The following GAPVD1 variants were observed in gnomAD, a reference collection of about 807,000 sequenced individuals.
GAPVD1 encodes GTPase activating protein and VPS9 domains 1.
A neutral mutation model predicts 155.5 loss-of-function variants in GAPVD1; 35 were observed. The observed-to-expected ratio is 0.23, with a 90% confidence interval of 0.17 to 0.30. The LOEUF (loss-of-function observed/expected upper bound fraction) is 0.30, where lower values mean the gene tolerates loss of function less well. Among genes scored for constraint, GAPVD1 ranks in the 10% least tolerant of loss-of-function variants. GAPVD1 has a pLI of 1.00. For synonymous variants in GAPVD1, 636 were observed against 619.7 expected (o/e 1.03, Z -0.39); for missense variants, 1,429 against 1,775.7 (o/e 0.80, Z 3.51).
intron 23 of GAPVD1, among the ~76,000 whole-genome samples, chr9:125,352,788 A>G (rs1849492896): frequency 6.6e-6 from 1 of 152,132 alleles, no homozygotes; most frequent in African/African-American, 2.4e-5. Flanking sequence ...AAAGTTTCTG[A>G]ACGTTTATGC....
chr9:125,328,753 C>T (rs1034796734), intron 12 of GAPVD1, among the ~76,000 whole-genome samples: 3 of 151,844 alleles, frequency 2.0e-5, no homozygotes, highest in African/African-American at 7.2e-5. Context: ...GGCAGAGGGG[C>T]TCCTCACTTC....
intron 15 of GAPVD1, among the ~76,000 whole-genome samples, chr9:125,335,988 A>C (rs554320081): frequency 6.6e-6 from 1 of 151,890 alleles, no homozygotes. Context: ...CCCTGTCTCT[A>C]CAAAAAATAA....
intron 2 of GAPVD1, among the ~76,000 whole-genome samples, chr9:125,288,792 G>A (rs1215065618): frequency 6.6e-6 from 1 of 152,198 alleles, no homozygotes; most frequent in Non-Finnish European, 1.5e-5. Context: ...TTCTTATGGA[G>A]TTCAGATTTT....
chr9:125,336,197 C>T (rs1266487239), intron 15 of GAPVD1, among the ~76,000 whole-genome samples: 3 of 149,864 alleles, frequency 2.0e-5, no homozygotes, highest in Admixed American at 6.7e-5. Context: ...CTGTTTTAGT[C>T]CATCTTTTAT....
chr9:125,293,884 A>AAGTTTT (rs1839346260), intron 2 of GAPVD1, among the ~76,000 whole-genome samples: 1 of 22,678 alleles, frequency 4.4e-5, no homozygotes. Flanking sequence ...ATATATATAT[A>AAGTTTT]TATATATATA....
intron 20 of GAPVD1, among the ~76,000 whole-genome samples, chr9:125,348,670 C>T (rs987573307): frequency 1.3e-5 from 2 of 151,966 alleles, no homozygotes; most frequent in African/African-American, 2.4e-5. Context: ...TGCCACCATA[C>T]GTGGCTGATT....
chr9:125,282,343 G>A (rs549534476), intron 2 of GAPVD1, among the ~76,000 whole-genome samples: 44 of 152,192 alleles, frequency 2.9e-4, no homozygotes, highest in Admixed American at 6.5e-4. Flanking sequence ...CACCATGTTG[G>A]TCAGGCTGGT....
rs533284325 is a variant in GAPVD1 at position 125,306,150 on chromosome 9, C to CT, written c.1116+1012dup. Among the ~76,000 whole-genome samples the CT allele has an allele frequency of 3.1e-4, 46 of 147,162 alleles. 1 individual carries two copies. Among genetic ancestry groups the CT allele is most frequent in the South Asian group, 1.3e-3 (6 of 4,634 alleles). On this transcript the variant is annotated intron_variant, in intron 6 of 27. Transcript: ENST00000297933. The stretch of plus-strand genomic sequence containing the variant: ...TCATTCCCTGCCCCCACAAAACATT[C>CT]TTTTTTTTTTTGAGACAGAGTTTCC...
Position 125,301,963 on chromosome 9 carries a change from C to CT in GAPVD1, c.186-3dup, listed in dbSNP as rs397893733. On this transcript the variant is annotated intron_variant, in intron 4 of 27. Transcript: ENST00000297933. ...AATACTATTATTTTGCTTGTTTGCT[C>CT]TTTTTTTTTTTTTTTTTAGTGCTGA... The CT allele has an allele frequency of 0.044, 60,511 of 1,384,596 alleles. 13 individuals are homozygous for CT. Among genetic ancestry groups the CT allele is most frequent in the South Asian group, 0.049 (3,324 of 68,220 alleles). The allele number at this position is 1,384,596 out of a possible 1,614,324, so 85.8% of individuals were successfully genotyped here.
intron 27 of GAPVD1, among the ~76,000 whole-genome samples, chr9:125,361,305 C>T (rs1850877261): frequency 2.0e-5 from 3 of 151,908 alleles, no homozygotes; most frequent in Admixed American, 6.6e-5. Context: ...TTTGGGAGGC[C>T]GAGGAGGGTG....
chr9:125,321,748 C>CA (rs1461667283), intron 10 of GAPVD1, among the ~76,000 whole-genome samples, 186 bp downstream of exon 10: 1 of 152,138 alleles, frequency 6.6e-6, no homozygotes, highest in East Asian at 1.9e-4. Context: ...ATTAAAATTG[C>CA]AAGATGCCTT....
intron 17 of GAPVD1, among the ~76,000 whole-genome samples, chr9:125,337,872 G>A (rs1054623249): frequency 6.6e-6 from 1 of 152,114 alleles, no homozygotes; most frequent in Non-Finnish European, 1.5e-5. Context: ...TGAGATGTTA[G>A]ATGAGTTGTT....
intron 1 of GAPVD1, among the ~76,000 whole-genome samples, chr9:125,266,196 G>C (rs977697563): frequency 6.6e-6 from 1 of 150,964 alleles, no homozygotes; most frequent in Non-Finnish European, 1.5e-5. Context: ...GCGCGATCTC[G>C]GCTCACTGCA....
At chr9:125,328,819 C>G (rs577791139) in intron 12 of GAPVD1, among the ~76,000 whole-genome samples, 2 of 124,560 alleles carry the variant, frequency 1.6e-5, no homozygotes, top group Non-Finnish European at 3.3e-5. Flanking sequence ...GGCGGCTGGC[C>G]GGGCAGGGGG....
intron 9 of GAPVD1, among the ~76,000 whole-genome samples, chr9:125,320,704 C>T (rs1235558750): frequency 2.6e-5 from 4 of 152,106 alleles, no homozygotes; most frequent in Admixed American, 6.6e-5. Context: ...CGGCTCACTG[C>T]AAGCTCCGCC....
chr9:125,323,154 T>TGGAGTG (rs1844629229), intron 10 of GAPVD1, among the ~76,000 whole-genome samples: 1 of 151,932 alleles, frequency 6.6e-6, no homozygotes, highest in African/African-American at 2.4e-5. Flanking sequence ...TTGCCCAGGC[T>TGGAGTG]GGAGTGCAAT....
In GAPVD1 at chr9:125,331,873, T is replaced by C. The variant is rs1846137032; in HGVS notation, c.2174-53T>C. 10 of 1,572,340 alleles carry C rather than the reference T, an allele frequency of 6.4e-6. No homozygotes were observed. The Admixed American group carries it at 1.2e-4, about 19-fold the overall frequency. On this transcript the variant is annotated intron_variant, in intron 13 of 27. Transcript: ENST00000297933. ...TTATCTGGGTCACAAAAGCTGAAAT[T>C]GTGGTGTGCTAAGAGAATCACAAAT...
In GAPVD1 at chr9:125,336,957, CTG is replaced by C; in HGVS notation, c.2429-57_2429-56del. On this transcript the variant is annotated intron_variant, in intron 15 of 27. Transcript: ENST00000297933. The stretch of plus-strand genomic sequence containing the variant: ...CAAAGAATACTTAAAACCCTTTAAA[CTG>C]TGTTGAGACCGTCTGTCCTGCGTCC... 6 of 924,456 alleles carry C rather than the reference CTG, an allele frequency of 6.5e-6. No individual in the cohort carries two copies. The South Asian group carries it at 8.2e-5, about 13-fold the overall frequency. The allele number at this position is 924,456 out of a possible 1,614,324, so 57.3% of individuals were successfully genotyped here. A position where few individuals can be genotyped will look rare whatever the true frequency, so the allele number is the denominator to read the frequency against.
chr9:125,349,778 C>T (rs891256556), intron 21 of GAPVD1, among the ~76,000 whole-genome samples: 3 of 151,464 alleles, frequency 2.0e-5, no homozygotes, highest in Admixed American at 6.6e-5. Flanking sequence ...ACAGGTGGAT[C>T]GCTGGAGCCC....
Sources: gnomAD v4.1 joint callset for allele counts (sites outside exome capture counted in the v4.1 genomes callset) on GRCh38, gnomAD v4.1.1 for gene constraint, MANE v1.5 for transcripts, NCBI Gene and HGNC (gene_info 2026-07-23, HGNC 2026-07-21) for gene names.